The following RSRC1 variants were observed in gnomAD, a reference collection of about 807,000 sequenced individuals.
RSRC1 encodes arginine and serine rich coiled-coil 1, also known as serine/Arginine-related protein 53.
In RSRC1, 39 loss-of-function variants were observed where a neutral mutation model predicts 49.1. The observed-to-expected ratio is 0.79, with a 90% CI of 0.61 to 1.04. The LOEUF (loss-of-function observed/expected upper bound fraction) is 1.04, where lower values mean the gene tolerates loss of function less well. RSRC1 is among the 50% of genes least tolerant of loss of function. The probability of loss-of-function intolerance (pLI) is 0.00; values close to 1 mark genes in which losing one functional copy is unlikely to be tolerated. For synonymous variants in RSRC1, 143 were observed against 130.8 expected (o/e 1.09, Z -0.63); for missense variants, 388 against 402.4 (o/e 0.96, Z 0.31).
intron 6 of RSRC1, among the ~76,000 whole-genome samples, chr3:158,422,040 C>T (rs759449547): frequency 4.1e-4 from 60 of 147,426 alleles, no homozygotes; most frequent in Non-Finnish European, 7.9e-4. Context: ...TGTATATAAA[C>T]TAAGTCGGGA....
intron 4 of RSRC1, among the ~76,000 whole-genome samples, chr3:158,214,648 T>C (rs1320075953): frequency 6.6e-6 from 1 of 151,826 alleles, no homozygotes; most frequent in African/African-American, 2.4e-5. Context: ...CAGTTCTCAA[T>C]ATTTTCTAAT....
intron 6 of RSRC1, among the ~76,000 whole-genome samples, chr3:158,430,057 T>G (rs538705740): frequency 7.6e-6 from 1 of 132,074 alleles, no homozygotes; most frequent in South Asian, 2.6e-4. Context: ...ACAATAATCA[T>G]AAAAACCACA....
chr3:158,289,733 C>A (rs975887248), intron 4 of RSRC1, among the ~76,000 whole-genome samples: 1 of 152,156 alleles, frequency 6.6e-6, no homozygotes, highest in African/African-American at 2.4e-5. Context: ...TCAGGAAGAT[C>A]TTTGTAGATC....
At chr3:158,122,426 A>G in intron 2 of RSRC1, 128 bp downstream of exon 2, 1 of 685,582 alleles carries the variant, frequency 1.5e-6, no homozygotes, top group Non-Finnish European at 2.2e-6. Flanking sequence ...GAAAGTCCCA[A>G]CCCAGAGTTT....
intron 4 of RSRC1, among the ~76,000 whole-genome samples, chr3:158,280,161 G>A (rs1306841890): frequency 6.6e-6 from 1 of 152,006 alleles, no homozygotes; most frequent in East Asian, 1.9e-4. Flanking sequence ...TGGATTCAAA[G>A]CTCACCGAAT....
chr3:158,338,587 A>G (rs56024662), intron 5 of RSRC1, among the ~76,000 whole-genome samples: 11,174 of 152,330 alleles, frequency 0.073, 482 homozygotes, highest in South Asian at 0.13. Flanking sequence ...CTGAGAAAGC[A>G]TGATTAAAAT....
At chr3:158,328,238 G>A (rs1293384379) in intron 5 of RSRC1, among the ~76,000 whole-genome samples, 3 of 152,064 alleles carry the variant, frequency 2.0e-5, no homozygotes, top group Admixed American at 6.5e-5. Flanking sequence ...TTATATTTAA[G>A]GTTAATATTG....
At chr3:158,296,854 T>C (rs1257276100) in intron 4 of RSRC1, among the ~76,000 whole-genome samples, 1 of 152,044 alleles carries the variant, frequency 6.6e-6, no homozygotes, top group African/African-American at 2.4e-5. Context: ...GAATTTACTC[T>C]AATATGTCAG....
At chr3:158,431,883 T>C in intron 6 of RSRC1, among the ~76,000 whole-genome samples, 1 of 152,004 alleles carries the variant, frequency 6.6e-6, no homozygotes, top group East Asian at 1.9e-4. Context: ...CAAAACATGT[T>C]TGTTATATAC....
intron 4 of RSRC1, among the ~76,000 whole-genome samples, chr3:158,270,310 T>C (rs937437613): frequency 1.3e-5 from 2 of 152,176 alleles, no homozygotes; most frequent in African/African-American, 2.4e-5. Context: ...CAAACATTTC[T>C]ACCTCCCGAG....
chr3:158,512,271 C>T (rs1205750028), intron 7 of RSRC1, among the ~76,000 whole-genome samples: 65 of 143,250 alleles, frequency 4.5e-4, no homozygotes, highest in African/African-American at 1.7e-3. Flanking sequence ...GTCTTTAATC[C>T]ATCTTGAATT....
intron 6 of RSRC1, among the ~76,000 whole-genome samples, chr3:158,383,574 T>C (rs1489362808): frequency 6.6e-6 from 1 of 152,182 alleles, no homozygotes; most frequent in Non-Finnish European, 1.5e-5. Context: ...GCCATGCATA[T>C]ACTTTTACTA....
intron 3 of RSRC1, among the ~76,000 whole-genome samples, chr3:158,182,492 T>G (rs1719680723): frequency 6.6e-6 from 1 of 152,148 alleles, no homozygotes; most frequent in South Asian, 2.1e-4. Flanking sequence ...ATATCCTACG[T>G]CTTAGGAATT....
intron 3 of RSRC1, among the ~76,000 whole-genome samples, chr3:158,173,239 A>G (rs1718987427): frequency 6.6e-6 from 1 of 151,950 alleles, no homozygotes; most frequent in Non-Finnish European, 1.5e-5. Context: ...TAAAACAATC[A>G]TCTATTGGTG....
At position 158,122,200 on chromosome 3, in the gene RSRC1, T is replaced by C; in HGVS notation, c.96T>C (p.Ser32=). 1 of 1,608,696 alleles carries C rather than the reference T, an allele frequency of 6.2e-7. No individual in the cohort carries two copies. ...CCTCCTCGAGCAGTTCTTCAGATAG[T>C]AGAACATACAGCCGAAAGAAAGGAG... ...RRSSSSSSSD[S]RTYSRKKGGR... is the part of the protein sequence containing the mutation. Residue 32 remains serine, a synonymous_variant, in exon 2 of 10, where the codon AGT becomes AGC. Transcript: ENST00000611884.
At chr3:158,423,937 T>C (rs1229709301) in intron 6 of RSRC1, among the ~76,000 whole-genome samples, 1 of 151,096 alleles carries the variant, frequency 6.6e-6, no homozygotes. Context: ...CCTGAGACTT[T>C]GCTGAAGTTG....
intron 5 of RSRC1, among the ~76,000 whole-genome samples, chr3:158,339,031 G>A (rs188296677): frequency 2.0e-5 from 3 of 152,198 alleles, no homozygotes; most frequent in East Asian, 1.9e-4. Context: ...GGTGGCTCAC[G>A]CCTGTAATCC....
At chr3:158,227,924 C>T (rs943596790) in intron 4 of RSRC1, among the ~76,000 whole-genome samples, 2 of 151,982 alleles carry the variant, frequency 1.3e-5, no homozygotes, top group African/African-American at 4.8e-5. Flanking sequence ...TATAGTTTGT[C>T]ACCTCCTGGT....
chr3:158,215,556 A>G (rs1193902826), intron 4 of RSRC1, among the ~76,000 whole-genome samples: 1 of 151,160 alleles, frequency 6.6e-6, no homozygotes, highest in East Asian at 2.0e-4. Context: ...CCTCTGTTTT[A>G]TTTCTGATTT....
Sources: allele counts gnomAD v4.1 joint callset (sites outside exome capture counted in the v4.1 genomes callset), GRCh38; gene constraint gnomAD v4.1.1; transcripts MANE v1.5; gene names NCBI Gene and HGNC (gene_info 2026-07-23, HGNC 2026-07-21).